The following ATRX variants were observed in gnomAD, a reference collection of about 807,000 sequenced individuals.
The protein encoded by ATRX is chromatin remodeler ATRX.
In ATRX, 12 loss-of-function variants were observed where a neutral mutation model predicts 172.6. That is an observed-to-expected ratio of 0.07 (90% CI 0.04 to 0.11). The LOEUF is 0.11. Among genes scored for constraint, ATRX ranks in the 10% least tolerant of loss-of-function variants. The pLI, the probability that ATRX is intolerant of heterozygous loss-of-function variation, is 1.00. For synonymous variants in ATRX, 674 were observed against 594.7 expected, an observed-to-expected ratio of 1.13 and a Z score of -1.94; for missense variants, 1,368 against 1,767.4, an observed-to-expected ratio of 0.77 and a Z score of 4.05.
chrX:77,695,196 A>T (rs924264774), intron 5 of ATRX, among the ~76,000 whole-genome samples: 25 of 110,472 alleles, frequency 2.3e-4, no homozygotes, highest in African/African-American at 7.9e-4. Flanking sequence ...TCTCAATTTA[A>T]AGCTGAAAAA....
intron 30 of ATRX, 27 bp downstream of exon 30, chrX:77,557,424 T>C (rs2064846597): frequency 2.5e-6 from 3 of 1,199,760 alleles, no homozygotes; most frequent in Non-Finnish European, 3.4e-6. Flanking sequence ...CGTTGGTTTG[T>C]TAAGCCAATA....
chrX:77,684,968 A>T lies in ATRX; in HGVS notation c.633T>A (p.Arg211=). 1 of 1,205,383 alleles carries T rather than the reference A, an allele frequency of 8.3e-7. No homozygotes were observed. Among genetic ancestry groups the T allele is most frequent in the Non-Finnish European group, 1.1e-6 (1 of 889,578 alleles). Residue 211 remains arginine (R), a synonymous_variant, in exon 8 of 35, where the codon CGT becomes CGA. Transcript: ENST00000373344. The stretch of plus-strand genomic sequence containing the variant: ...ATTGTTCATCCATTCCATCTGAGTC[A>T]CGGCTAATATCATCACTCATGTAAT... ...FKYYMSDDIS[R]DSDGMDEQCR... is the part of the protein sequence containing the mutation.
At chrX:77,692,918 ACT>A (rs1557147876) in intron 6 of ATRX, among the ~76,000 whole-genome samples, 2 of 95,163 alleles carry the variant, frequency 2.1e-5, no homozygotes, top group African/African-American at 7.9e-5. Flanking sequence ...ACAGGGTCTC[ACT>A]CTGTCATCCA....
At chrX:77,738,418 A>T (rs1393055674) in intron 1 of ATRX, among the ~76,000 whole-genome samples, 1 of 109,306 alleles carries the variant, frequency 9.1e-6, no homozygotes, top group Non-Finnish European at 1.9e-5. Context: ...TCTATCTCCA[A>T]TCAAAAGCCT....
intron 2 of ATRX, among the ~76,000 whole-genome samples, chrX:77,702,339 A>T (rs893692564): frequency 8.9e-6 from 1 of 111,996 alleles, no homozygotes. Context: ...GCTACTCGGT[A>T]AGCCGAGGCA....
intron 22 of ATRX, among the ~76,000 whole-genome samples, chrX:77,606,073 C>G (rs113883925): frequency 0.061 from 6,723 of 109,928 alleles, 209 homozygotes; most frequent in African/African-American, 0.12. Flanking sequence ...CTGAACAGAC[C>G]AATAACAAGT....
At chrX:77,703,433 C>T (rs1662286908) in intron 2 of ATRX, among the ~76,000 whole-genome samples, 1 of 112,718 alleles carries the variant, frequency 8.9e-6, no homozygotes, top group African/African-American at 3.2e-5. Flanking sequence ...GGCATCAGCT[C>T]TTTCTCTGTG....
chrX:77,587,055 TA>T (rs782752762), intron 27 of ATRX, among the ~76,000 whole-genome samples: 179 of 94,512 alleles, frequency 1.9e-3, no homozygotes, highest in Admixed American at 2.1e-3. Flanking sequence ...ACCCTGTCTC[TA>T]AAAAAAAAAA....
chrX:77,525,641 T>C (rs2063355811), intron 30 of ATRX, among the ~76,000 whole-genome samples: 1 of 112,447 alleles, frequency 8.9e-6, no homozygotes, highest in Non-Finnish European at 1.9e-5. Context: ...AAGAAAACTG[T>C]ATACTAGGAA....
intron 22 of ATRX, among the ~76,000 whole-genome samples, chrX:77,610,278 A>G (rs782241360): frequency 8.9e-6 from 1 of 112,419 alleles, no homozygotes; most frequent in South Asian, 3.7e-4. Flanking sequence ...AAATATAAGA[A>G]GCAAAAGTGA....
At chrX:77,584,639 C>T (rs2065943756) in intron 27 of ATRX, among the ~76,000 whole-genome samples, 1 of 111,367 alleles carries the variant, frequency 9.0e-6, no homozygotes, top group Non-Finnish European at 1.9e-5. Flanking sequence ...TATCTCTCGC[C>T]ATATATAAAA....
At chrX:77,674,345 A>G (rs2070765212) in intron 10 of ATRX, 1 of 111,376 alleles carries the variant, frequency 9.0e-6, no homozygotes, top group Admixed American at 9.6e-5. Flanking sequence ...GGTATAGTGA[A>G]TATTAAACAA....
chrX:77,696,750 TG>T (rs1557150138), intron 4 of ATRX, 46 bp from the exon 5 acceptor site: 2 of 1,143,224 alleles, frequency 1.7e-6, no homozygotes, highest in Non-Finnish European at 2.4e-6. Context: ...TTCTGACAAC[TG>T]GAACAATACC....
At chrX:77,546,057 C>T (rs782020539) in intron 30 of ATRX, among the ~76,000 whole-genome samples, 2 of 111,173 alleles carry the variant, frequency 1.8e-5, no homozygotes, top group Non-Finnish European at 3.8e-5. Context: ...TTGATTAAAA[C>T]GGTGTAAAGT....
chrX:77,609,838 A>C (rs1408257699), intron 22 of ATRX, among the ~76,000 whole-genome samples: 1 of 111,989 alleles, frequency 8.9e-6, no homozygotes, highest in Non-Finnish European at 1.9e-5. Context: ...CAGTTAATAG[A>C]GGCTGCGAAG....
intron 5 of ATRX, among the ~76,000 whole-genome samples, chrX:77,694,780 A>G (rs896639267): frequency 4.7e-5 from 5 of 107,372 alleles, no homozygotes; most frequent in East Asian, 5.9e-4. Context: ...ACAATTAAGG[A>G]AAAAAAAGCA....
rs781983573 is a variant in ATRX at position 77,549,507 on chromosome X, T to C, written c.6699+7944A>G. ...TACATAAATGTTAACAGGTTAGCTA[T>C]CAATTTAACATTTACATAAACGTTA... On this transcript the variant is annotated intron_variant, in intron 30 of 34. Coordinates refer to ENST00000373344, the MANE Select transcript of ATRX (RefSeq NM_000489.6). Among the ~76,000 whole-genome samples, 15 of 112,695 alleles carry C rather than the reference T, an allele frequency of 1.3e-4. No homozygotes were observed. In the South Asian group the frequency reaches 5.4e-3, roughly 41 times the overall value.
intron 19 of ATRX, among the ~76,000 whole-genome samples, chrX:77,627,150 G>T (rs1242789444): frequency 9.0e-6 from 1 of 110,983 alleles, no homozygotes; most frequent in Non-Finnish European, 1.9e-5. Flanking sequence ...GGAGAATGGC[G>T]TGAACCCGGG....
intron 15 of ATRX, among the ~76,000 whole-genome samples, chrX:77,638,241 A>G (rs1169551174): frequency 6.2e-5 from 7 of 112,172 alleles, no homozygotes; most frequent in African/African-American, 2.3e-4. Flanking sequence ...AGGTGGGTGG[A>G]TCATGAGGTC....
Sources: allele counts gnomAD v4.1 joint callset (sites outside exome capture counted in the v4.1 genomes callset), GRCh38; gene constraint gnomAD v4.1.1; transcripts MANE v1.5; gene names NCBI Gene and HGNC (gene_info 2026-07-23, HGNC 2026-07-21).